Variants in COX10 observed in about 807,000 individuals in gnomAD.
COX10 encodes protoheme IX farnesyltransferase, mitochondrial.
A neutral mutation model predicts 37.3 loss-of-function variants in COX10; 27 were observed. The observed-to-expected ratio is 0.72, with a 90% CI of 0.53 to 1.00. The LOEUF (loss-of-function observed/expected upper bound fraction) is 1.00, where lower values mean the gene tolerates loss of function less well. COX10 is among the 50% of genes least tolerant of loss of function. The pLI, the probability that COX10 is intolerant of heterozygous loss-of-function variation, is 0.00. For missense variants in COX10, 475 were observed against 563.2 expected, an observed-to-expected ratio of 0.84 and a Z score of 1.59; for synonymous variants, 222 against 229.1, an observed-to-expected ratio of 0.97 and a Z score of 0.28.
intron 4 of COX10, among the ~76,000 whole-genome samples, chr17:14,122,369 C>G (rs187226530): frequency 6.6e-6 from 1 of 152,084 alleles, no homozygotes; most frequent in Admixed American, 6.6e-5. Context: ...TGGCAATCCC[C>G]GTCAACCAAC....
chr17:14,104,149 G>A (rs112606158), intron 4 of COX10, among the ~76,000 whole-genome samples: 1 of 151,904 alleles, frequency 6.6e-6, no homozygotes, highest in African/African-American at 2.4e-5. Flanking sequence ...CCATCTTTTT[G>A]TACCCCTCAT....
chr17:14,103,573 G>T (rs1316153464), intron 4 of COX10, among the ~76,000 whole-genome samples: 2 of 151,944 alleles, frequency 1.3e-5, no homozygotes, highest in Non-Finnish European at 2.9e-5. Context: ...TAACTAAAAA[G>T]CATCAAATGG....
At chr17:14,205,208 G>A (rs986480360) in intron 6 of COX10, among the ~76,000 whole-genome samples, 16 of 151,948 alleles carry the variant, frequency 1.1e-4, no homozygotes, top group East Asian at 9.7e-4. Context: ...CTCCTAACAC[G>A]TGTTAATCTT....
intron 2 of COX10, among the ~76,000 whole-genome samples, chr17:14,075,113 T>C (rs1245348480): frequency 6.6e-6 from 1 of 152,206 alleles, no homozygotes; most frequent in East Asian, 1.9e-4. Context: ...GGCAGACTTA[T>C]AATTTAAAGT....
intron 4 of COX10, among the ~76,000 whole-genome samples, chr17:14,151,109 C>T (rs1201750872): frequency 6.6e-6 from 1 of 152,104 alleles, no homozygotes; most frequent in Non-Finnish European, 1.5e-5. Flanking sequence ...TATATAGGTT[C>T]TGAAATAACT....
At chr17:14,106,980 A>G (rs893860700) in intron 4 of COX10, among the ~76,000 whole-genome samples, 1 of 152,242 alleles carries the variant, frequency 6.6e-6, no homozygotes. Flanking sequence ...AATGTAATAC[A>G]GAAATTTTAA....
intron 5 of COX10, among the ~76,000 whole-genome samples, chr17:14,173,776 A>G (rs1263863910): frequency 6.6e-6 from 1 of 152,078 alleles, no homozygotes; most frequent in Admixed American, 6.5e-5. Context: ...TCTTTTCACA[A>G]TGTCATTGTT....
At chr17:14,098,676 G>C (rs535558913) in intron 3 of COX10, among the ~76,000 whole-genome samples, 2 of 152,114 alleles carry the variant, frequency 1.3e-5, no homozygotes. Context: ...AGGAGAGACT[G>C]TTCGTTCCCC....
intron 3 of COX10, among the ~76,000 whole-genome samples, chr17:14,086,683 A>G (rs921908649): frequency 6.6e-6 from 1 of 152,088 alleles, no homozygotes; most frequent in African/African-American, 2.4e-5. Context: ...GATTAAGTTT[A>G]TCTCCTTTTT....
At chr17:14,091,770 T>C (rs1915533912) in intron 3 of COX10, among the ~76,000 whole-genome samples, 1 of 152,206 alleles carries the variant, frequency 6.6e-6, no homozygotes, top group Admixed American at 6.5e-5. Context: ...GAACGATACT[T>C]GAAATGGAGA....
At chr17:14,192,913 C>G (rs1906253226) in intron 6 of COX10, among the ~76,000 whole-genome samples, 1 of 151,956 alleles carries the variant, frequency 6.6e-6, no homozygotes, top group African/African-American at 2.4e-5. Flanking sequence ...ACATATTTTT[C>G]ACATGAGAGA....
chr17:14,197,618 G>C (rs551498254), intron 6 of COX10, among the ~76,000 whole-genome samples: 33 of 152,346 alleles, frequency 2.2e-4, no homozygotes, highest in Non-Finnish European at 3.5e-4. Context: ...ATGAGCAGAT[G>C]GATGTTGTGA....
At chr17:14,083,674 T>C (rs1387977800) in intron 3 of COX10, among the ~76,000 whole-genome samples, 3 of 152,224 alleles carry the variant, frequency 2.0e-5, no homozygotes, top group Admixed American at 2.0e-4. Flanking sequence ...GCTAATGCCA[T>C]TTAAAGATTT....
At chr17:14,079,624 A>G (rs1915234062) in intron 3 of COX10, among the ~76,000 whole-genome samples, 1 of 152,116 alleles carries the variant, frequency 6.6e-6, no homozygotes, top group African/African-American at 2.4e-5. Flanking sequence ...GTTTTGTCTT[A>G]TTTACCTTTT....
intron 6 of COX10, among the ~76,000 whole-genome samples, chr17:14,195,965 TATATTATTCAC>T (rs1906355242): frequency 6.6e-6 from 1 of 152,146 alleles, no homozygotes. Flanking sequence ...TGGTGTCATT[TATATTATTCAC>T]AGAGGGGATA....
rs34763365 is a variant in COX10 at position 14,076,450 on chromosome 17, A to AT, written c.178-284dup. Among the ~76,000 whole-genome samples, 74,046 of 151,792 alleles carry AT rather than the reference A, an allele frequency of 0.49. 18,174 individuals are homozygous for AT. Among genetic ancestry groups the AT allele is most frequent in the Admixed American group, 0.56 (8,495 of 15,264 alleles). ...CCAGGGAAAATTCTGGAGGAGATGA[A>AT]TAACAAGTAAATTTATTTTTCTTTC... On this transcript the variant is annotated intron_variant, in intron 2 of 6. Transcript: ENST00000261643.
intron 4 of COX10, among the ~76,000 whole-genome samples, chr17:14,144,348 C>G (rs1419543712): frequency 6.6e-6 from 1 of 152,026 alleles, no homozygotes; most frequent in African/African-American, 2.4e-5. Context: ...ACTGTTGTCA[C>G]ATTATTTTCT....
At position 14,162,417 on chromosome 17, in the gene COX10, C is replaced by T. The variant is rs1027528431; in HGVS notation, c.695+2470C>T. On this transcript the variant is annotated intron_variant, in intron 5 of 6. Coordinates refer to ENST00000261643, the MANE Select transcript of COX10 (RefSeq NM_001303.4). ...CAGAGAATAAAAGGAATTCAACAAG[C>T]CCAGGGACCTCCTGAACCAAAGACA... 5.3e-5 allele frequency among the ~76,000 whole-genome samples: 8 copies of T among 152,238 alleles called. No individual in the cohort carries two copies. The South Asian group carries it at 1.7e-3, about 32-fold the overall frequency.
At position 14,159,796 on chromosome 17, in the gene COX10, G is replaced by GA; in HGVS notation, c.625-75dup. On this transcript the variant is annotated intron_variant, in intron 4 of 6. Coordinates refer to ENST00000261643, the MANE Select transcript of COX10 (RefSeq NM_001303.4). ...CGAAATTAAAATGAAGTTTACTACA[G>GA]AAAAAATGTTCAGTACTAAAGCGGA... The GA allele has an allele frequency of 4.6e-6, 5 of 1,076,022 alleles. No individual in the cohort carries two copies. In the South Asian group the frequency reaches 5.4e-5, roughly 12 times the overall value. 66.7% of individuals were successfully genotyped at this position (1,076,022 alleles called of 1,614,324 possible).
Sources: allele counts gnomAD v4.1 joint callset (sites outside exome capture counted in the v4.1 genomes callset), GRCh38; gene constraint gnomAD v4.1.1; transcripts MANE v1.5; gene names NCBI Gene and HGNC (gene_info 2026-07-23, HGNC 2026-07-21).